MECOM: variants seen among roughly 807,000 people sequenced by gnomAD.
MECOM encodes histone-lysine N-methyltransferase MECOM.
Under a neutral mutation model 116.3 loss-of-function variants are expected in MECOM, and 13 were observed. The observed-to-expected ratio is 0.11, with a 90% CI of 0.07 to 0.18. The LOEUF is 0.18. Among genes scored for constraint, MECOM ranks in the 10% least tolerant of loss-of-function variants. The pLI, the probability that MECOM is intolerant of heterozygous loss-of-function variation, is 1.00. For missense variants in MECOM, 1,299 were observed against 1,509.0 expected, an observed-to-expected ratio of 0.86 and a Z score of 2.31; for synonymous variants, 528 against 535.2, an observed-to-expected ratio of 0.99 and a Z score of 0.19.
At chr3:169,662,769 C>T (rs1776475516) in intron 1 of MECOM, among the ~76,000 whole-genome samples, 1 of 152,032 alleles carries the variant, frequency 6.6e-6, no homozygotes, top group Non-Finnish European at 1.5e-5. Context: ...CCAAGTCCAC[C>T]ACAGCCGCCC....
chr3:169,262,131 G>T (rs1162684548), intron 2 of MECOM, among the ~76,000 whole-genome samples: 1 of 152,180 alleles, frequency 6.6e-6, no homozygotes, highest in Non-Finnish European at 1.5e-5. Flanking sequence ...CTTACATTCT[G>T]ACTTCTAATA....
intron 2 of MECOM, among the ~76,000 whole-genome samples, chr3:169,260,902 C>T (rs948985053): frequency 2.0e-5 from 3 of 152,168 alleles, no homozygotes; most frequent in African/African-American, 7.2e-5. Flanking sequence ...AGTATTTAAT[C>T]ATTAATGAAA....
chr3:169,472,782 C>T (rs1158759014), intron 1 of MECOM, among the ~76,000 whole-genome samples: 1 of 151,636 alleles, frequency 6.6e-6, no homozygotes, highest in South Asian at 2.1e-4. Flanking sequence ...TAATATAAGC[C>T]TTAGTGTTCA....
chr3:169,272,464 T>C (rs1232470960), intron 2 of MECOM, among the ~76,000 whole-genome samples: 2 of 152,064 alleles, frequency 1.3e-5, no homozygotes, highest in African/African-American at 4.8e-5. Context: ...CCCAGAATGT[T>C]TTGAGGTAAA....
chr3:169,387,007 A>G (rs575418228), intron 1 of MECOM, among the ~76,000 whole-genome samples: 30 of 152,280 alleles, frequency 2.0e-4, no homozygotes, highest in Admixed American at 7.2e-4. Flanking sequence ...CTGTCTTATT[A>G]ATGATAAATA....
chr3:169,440,704 A>ACCATAT (rs1044995245), intron 1 of MECOM, among the ~76,000 whole-genome samples: 1 of 152,154 alleles, frequency 6.6e-6, no homozygotes, highest in African/African-American at 2.4e-5. Context: ...TTAGGGATAA[A>ACCATAT]CCATATGCCC....
intron 1 of MECOM, among the ~76,000 whole-genome samples, chr3:169,440,852 A>C (rs1743526262): frequency 1.3e-5 from 2 of 152,130 alleles, no homozygotes; most frequent in African/African-American, 4.8e-5. Flanking sequence ...AGAGTCAAGT[A>C]ATCACCTCTG....
intron 2 of MECOM, among the ~76,000 whole-genome samples, chr3:169,165,026 G>T (rs767432403): frequency 6.6e-6 from 1 of 152,248 alleles, no homozygotes; most frequent in East Asian, 1.9e-4. Flanking sequence ...GGTTTTCACA[G>T]GAAATAAATT....
At chr3:169,521,129 A>G (rs1202070917) in intron 1 of MECOM, among the ~76,000 whole-genome samples, 2 of 152,174 alleles carry the variant, frequency 1.3e-5, no homozygotes, top group African/African-American at 4.8e-5. Context: ...AGAAGTACCA[A>G]AGACCACTGT....
intron 2 of MECOM, among the ~76,000 whole-genome samples, chr3:169,269,409 T>C (rs1758678286): frequency 6.6e-6 from 1 of 152,178 alleles, no homozygotes; most frequent in Non-Finnish European, 1.5e-5. Flanking sequence ...AGAAACCACC[T>C]ATTTAAAAAA....
At chr3:169,194,153 T>C (rs1472016747) in intron 2 of MECOM, among the ~76,000 whole-genome samples, 1 of 152,006 alleles carries the variant, frequency 6.6e-6, no homozygotes, top group Admixed American at 6.6e-5. Context: ...GGGGAACAAG[T>C]GCAATTTTCT....
intron 1 of MECOM, among the ~76,000 whole-genome samples, chr3:169,658,313 C>T (rs1163820299): frequency 1.3e-5 from 2 of 152,188 alleles, no homozygotes; most frequent in Non-Finnish European, 2.9e-5. Context: ...TCCCTCCCAC[C>T]CCATCTCTTC....
At chr3:169,105,312 C>A (rs183775777) in intron 10 of MECOM, among the ~76,000 whole-genome samples, 1 of 152,028 alleles carries the variant, frequency 6.6e-6, no homozygotes, top group South Asian at 2.1e-4. Flanking sequence ...CTAGTCAACA[C>A]CTTAGATTAA....
intron 1 of MECOM, among the ~76,000 whole-genome samples, chr3:169,510,443 G>C (rs1755835677): frequency 6.6e-6 from 1 of 152,206 alleles, no homozygotes; most frequent in South Asian, 2.1e-4. Context: ...ATTAATCCAA[G>C]TTGAGTGAAC....
intron 1 of MECOM, among the ~76,000 whole-genome samples, chr3:169,547,576 C>T (rs944251598): frequency 4.6e-5 from 7 of 152,078 alleles, no homozygotes; most frequent in Admixed American, 1.3e-4. Context: ...TAGCTTTGAC[C>T]CTATGTTATC....
intron 1 of MECOM, chr3:169,614,795 G>A (rs1048370485): frequency 2.0e-5 from 3 of 152,038 alleles, no homozygotes; most frequent in Non-Finnish European, 4.4e-5. Flanking sequence ...TGGGCAGCTA[G>A]GATAAAAGGC....
At chr3:169,346,498 T>C (rs1380081946) in intron 2 of MECOM, among the ~76,000 whole-genome samples, 1 of 152,070 alleles carries the variant, frequency 6.6e-6, no homozygotes, top group Non-Finnish European at 1.5e-5. Context: ...CAGTAAGAAA[T>C]ATTAAATTAC....
At chr3:169,655,264 A>G (rs1425519547) in intron 1 of MECOM, among the ~76,000 whole-genome samples, 1 of 152,172 alleles carries the variant, frequency 6.6e-6, no homozygotes, top group African/African-American at 2.4e-5. Flanking sequence ...CAAAAAATTA[A>G]ATAAAAATAG....
intron 2 of MECOM, among the ~76,000 whole-genome samples, chr3:169,324,081 C>T (rs973621238): frequency 6.6e-6 from 1 of 152,150 alleles, no homozygotes; most frequent in Non-Finnish European, 1.5e-5. Flanking sequence ...CCTGGGGCTT[C>T]CTGAGTTATA....
Sources: allele counts gnomAD v4.1 joint callset (sites outside exome capture counted in the v4.1 genomes callset), GRCh38; gene constraint gnomAD v4.1.1; transcripts MANE v1.5; gene names NCBI Gene and HGNC (gene_info 2026-07-23, HGNC 2026-07-21).